The following MAD1L1 variants were observed in gnomAD, a reference collection of about 807,000 sequenced individuals.
MAD1L1 encodes the protein mitotic spindle assembly checkpoint protein MAD1.
MAD1L1 carries 95 observed loss-of-function variants against 96.9 expected under a neutral mutation model. The observed-to-expected ratio is 0.98, with a 90% CI of 0.83 to 1.16. MAD1L1 has a LOEUF of 1.16. Among genes scored for constraint, MAD1L1 ranks in the 50% most tolerant of loss-of-function variants. MAD1L1 has a pLI of 0.00. For missense variants in MAD1L1, 1,007 were observed against 954.4 expected (o/e 1.06, Z -0.73); for synonymous variants, 473 against 396.6 (o/e 1.19, Z -2.29).
chr7:1,817,999 T>C (rs891496857), intron 18 of MAD1L1, among the ~76,000 whole-genome samples: 9 of 149,594 alleles, frequency 6.0e-5, no homozygotes, highest in Non-Finnish European at 1.0e-4. Flanking sequence ...GCCCTCCCCC[T>C]GTTTCTGCTG....
intron 17 of MAD1L1, among the ~76,000 whole-genome samples, chr7:1,926,744 A>G (rs1160659294): frequency 6.6e-6 from 1 of 152,238 alleles, no homozygotes; most frequent in Non-Finnish European, 1.5e-5. Context: ...CTTGATAAGG[A>G]AAAACCACAA....
chr7:2,096,841 G>A (rs974141534), intron 11 of MAD1L1, among the ~76,000 whole-genome samples: 2 of 152,122 alleles, frequency 1.3e-5, no homozygotes, highest in South Asian at 2.1e-4. Flanking sequence ...GGTACAGCCC[G>A]ACAGCAGAGG....
rs1213635303 is a variant in MAD1L1, at chr7:2,142,986, C to T, written c.1073+6166G>A. On this transcript the variant is annotated intron_variant, in intron 11 of 18. Coordinates refer to ENST00000265854, the MANE Select transcript of MAD1L1 (RefSeq NM_001013836.2). The surrounding 1 kb of genome is among the most constrained non-coding windows in gnomAD (Gnocchi z 4.7). ...CACACACAGGAGACATCCTGCCCCACAGAGTCCCCTGGAAAACTTACCCCT... is the reference window on the plus strand; with the variant it reads ...CACACACAGGAGACATCCTGCCCCATAGAGTCCCCTGGAAAACTTACCCCT... Among the ~76,000 whole-genome samples the T allele has an allele frequency of 1.3e-5, 2 of 152,160 alleles. No homozygotes were observed. Among genetic ancestry groups the T allele is most frequent in the South Asian group, 2.1e-4 (1 of 4,834 alleles).
intron 10 of MAD1L1, among the ~76,000 whole-genome samples, chr7:2,161,811 G>A (rs565291931): frequency 6.8e-4 from 104 of 152,112 alleles, no homozygotes; most frequent in African/African-American, 2.3e-3. Context: ...CGTCTGGGAG[G>A]TGAGGAGCAT....
At chr7:2,117,634 T>C (rs1787776308) in intron 11 of MAD1L1, among the ~76,000 whole-genome samples, 2 of 152,210 alleles carry the variant, frequency 1.3e-5, no homozygotes, top group East Asian at 1.9e-4. Context: ...CCTGTCACCA[T>C]GTAAAGAAGG....
At chr7:2,101,028 TA>T (rs1786755264) in intron 11 of MAD1L1, among the ~76,000 whole-genome samples, 1 of 152,206 alleles carries the variant, frequency 6.6e-6, no homozygotes, top group Non-Finnish European at 1.5e-5. Flanking sequence ...ATCACCTAAT[TA>T]ACCACTTTCC....
intron 18 of MAD1L1, among the ~76,000 whole-genome samples, chr7:1,885,940 G>A (rs925386543): frequency 1.3e-4 from 20 of 152,234 alleles, no homozygotes; most frequent in African/African-American, 4.3e-4. Context: ...GGGGCCACAC[G>A]CCTGGCTTCC....
At chr7:2,041,424 G>A (rs140325297) in intron 12 of MAD1L1, among the ~76,000 whole-genome samples, 18 of 152,268 alleles carry the variant, frequency 1.2e-4, no homozygotes, top group African/African-American at 4.3e-4. Flanking sequence ...CTGCCAGCTC[G>A]TAGCAGAGTC....
At chr7:2,145,399 C>T (rs1167661021) in intron 11 of MAD1L1, among the ~76,000 whole-genome samples, 1 of 152,248 alleles carries the variant, frequency 6.6e-6, no homozygotes, top group Non-Finnish European at 1.5e-5. Flanking sequence ...GACCAGAATG[C>T]AGCACAGGTG....
intron 11 of MAD1L1, among the ~76,000 whole-genome samples, chr7:2,069,815 C>T (rs1477348653): frequency 6.6e-6 from 1 of 152,242 alleles, no homozygotes; most frequent in Non-Finnish European, 1.5e-5. Context: ...TGTGGGCCGA[C>T]GCCAGAGGCA....
intron 14 of MAD1L1, among the ~76,000 whole-genome samples, chr7:1,998,068 T>C (rs1781636938): frequency 6.6e-6 from 1 of 152,092 alleles, no homozygotes; most frequent in African/African-American, 2.4e-5. Context: ...ACAGAAATTA[T>C]ATGGGCTAAA....
intron 15 of MAD1L1, among the ~76,000 whole-genome samples, chr7:1,974,870 G>A (rs1233735827): frequency 6.6e-6 from 1 of 152,248 alleles, no homozygotes; most frequent in African/African-American, 2.4e-5. Context: ...GGGACCAGGG[G>A]AGGTGGGCAG....
At chr7:1,946,735 C>T (rs573378559) in intron 16 of MAD1L1, among the ~76,000 whole-genome samples, 28 of 152,364 alleles carry the variant, frequency 1.8e-4, no homozygotes, top group African/African-American at 6.0e-4. Context: ...CCAAGCTCCC[C>T]TCCAGGCTGG....
chr7:2,130,685 T>A (rs1302205565), intron 11 of MAD1L1, among the ~76,000 whole-genome samples: 1 of 152,222 alleles, frequency 6.6e-6, no homozygotes. Flanking sequence ...TCCGCGACTC[T>A]CTCTTCCTCT....
At chr7:2,045,842 G>C (rs1441869548) in intron 12 of MAD1L1, among the ~76,000 whole-genome samples, 1 of 152,178 alleles carries the variant, frequency 6.6e-6, no homozygotes, top group African/African-American at 2.4e-5. Context: ...AAGCCTCGGA[G>C]CACATGGTGA....
chr7:1,841,724 A>T (rs978249456), intron 18 of MAD1L1, among the ~76,000 whole-genome samples: 7 of 152,244 alleles, frequency 4.6e-5, no homozygotes, highest in Non-Finnish European at 8.8e-5. Context: ...CTCGCGGGGC[A>T]GATGGTCTCG....
intron 12 of MAD1L1, among the ~76,000 whole-genome samples, chr7:2,066,308 C>T (rs185444265): frequency 2.8e-4 from 43 of 152,302 alleles, no homozygotes; most frequent in Non-Finnish European, 4.3e-4. Context: ...GGGCACTGGC[C>T]GACACCAAGG....
At chr7:2,210,223 C>G (rs981249955) in intron 10 of MAD1L1, among the ~76,000 whole-genome samples, 2 of 152,164 alleles carry the variant, frequency 1.3e-5, no homozygotes, top group Non-Finnish European at 2.9e-5. Flanking sequence ...CAGGTGCACA[C>G]CACTGAGCAC....
At chr7:1,889,114 G>C (rs550817217) in intron 18 of MAD1L1, among the ~76,000 whole-genome samples, 10 of 152,220 alleles carry the variant, frequency 6.6e-5, no homozygotes, top group Non-Finnish European at 1.3e-4. Flanking sequence ...CCCTTGGGCA[G>C]ATGCGATGAT....
Sources: allele counts gnomAD v4.1 joint callset (sites outside exome capture counted in the v4.1 genomes callset), GRCh38; gene constraint gnomAD v4.1.1; non-coding constraint Gnocchi (gnomAD v3.1); transcripts MANE v1.5; gene names NCBI Gene and HGNC (gene_info 2026-07-23, HGNC 2026-07-21).